CCDC50: variants seen among roughly 807,000 people sequenced by gnomAD.
The protein encoded by CCDC50 is coiled-coil domain containing 50.
In CCDC50, 54 loss-of-function variants were observed where a neutral mutation model predicts 70.2. That is an observed-to-expected ratio of 0.77 (90% CI 0.62 to 0.96). CCDC50 has a LOEUF of 0.96. Ranked by LOEUF, CCDC50 falls within the 50% of genes least tolerant of loss-of-function variation. CCDC50 has a pLI of 0.00. For synonymous variants in CCDC50, 216 were observed against 198.8 expected, an observed-to-expected ratio of 1.09 and a Z score of -0.73; for missense variants, 558 against 578.7, an observed-to-expected ratio of 0.96 and a Z score of 0.37.
chr3:191,375,358 A>G lies in CCDC50; in HGVS notation c.745A>G (p.Thr249Ala), dbSNP rs140411108. 6.2e-7 allele frequency: 1 copy of G among 1,613,770 alleles called. No homozygotes were observed. Among genetic ancestry groups the G allele is most frequent in the Non-Finnish European group, 8.5e-7 (1 of 1,179,832 alleles). Residue 249 changes from threonine (T) to alanine (A), a missense_variant, in exon 6 of 12, where the codon ACT becomes GCT. Physicochemically the swap from Thr to Ala is moderately conservative, Grantham distance 58 (BLOSUM62 0). Transcript: ENST00000392455. ...PTISGEVFLS[T>A]ECDDWETKIN... is the part of the protein sequence containing the mutation. Reference sequence around the variant, plus strand: ...GATCAGTGGTGAAGTGTTTCTGAGCACTGAATGTGATGACTGGGAGACTAA... The same window carrying G: ...GATCAGTGGTGAAGTGTTTCTGAGCGCTGAATGTGATGACTGGGAGACTAA...
intron 1 of CCDC50, among the ~76,000 whole-genome samples, chr3:191,339,856 A>T (rs570871418): frequency 1.3e-5 from 2 of 152,360 alleles, no homozygotes; most frequent in East Asian, 3.9e-4. Context: ...GTTGAACAAA[A>T]GGTTAAAATG....
At chr3:191,376,320 G>T (rs1217703928) in intron 6 of CCDC50, among the ~76,000 whole-genome samples, 1 of 152,148 alleles carries the variant, frequency 6.6e-6, no homozygotes. Context: ...GTGTTCTAAA[G>T]TACCAATACA....
chr3:191,342,477 A>G (rs1281241949), intron 1 of CCDC50, among the ~76,000 whole-genome samples: 1 of 152,204 alleles, frequency 6.6e-6, no homozygotes, highest in Non-Finnish European at 1.5e-5. Flanking sequence ...AACTTGCAGT[A>G]GCTGGTGCTT....
In CCDC50 at chr3:191,391,731, C is replaced by G; in HGVS notation, c.1430-10C>G. ...CTTAATTGTGTTTCCTTTTTTCTTC[C>G]CCTCCCCAGGTTTTCATTACAAACA... is the stretch of plus-strand genomic sequence containing the variant. On this transcript the variant is annotated splice_polypyrimidine_tract_variant and intron_variant, in intron 11 of 11. Transcript: ENST00000392455. 1 of 1,612,436 alleles carries G rather than the reference C, an allele frequency of 6.2e-7. No homozygotes were observed. The highest frequency in any genetic ancestry group is 8.5e-7 in the Non-Finnish European group (1 of 1,179,052).
At chr3:191,357,850 G>C in intron 2 of CCDC50, 148 bp from the exon 3 acceptor site, 1 of 983,358 alleles carries the variant, frequency 1.0e-6, no homozygotes, top group Non-Finnish European at 1.6e-6. Context: ...ATAATTCCTT[G>C]CTCTTTATTA....
intron 3 of CCDC50, 150 bp downstream of exon 3, chr3:191,358,274 T>C: frequency 9.3e-7 from 1 of 1,078,588 alleles, no homozygotes; most frequent in Non-Finnish European, 1.3e-6. Context: ...TAACAGTTTT[T>C]TTGATTTGAA....
In CCDC50 at chr3:191,351,288, G is replaced by T. The variant is rs1301433292; in HGVS notation, c.50-5800G>T. On this transcript the variant is annotated intron_variant, in intron 1 of 11. Transcript: ENST00000392455. ...CTAGTACTGTTAATGACTAAGAAAAGAATTTTTTAAAGGCTGTTTTAGGCC... is the reference window on the plus strand; with the variant it reads ...CTAGTACTGTTAATGACTAAGAAAATAATTTTTTAAAGGCTGTTTTAGGCC... Among the ~76,000 whole-genome samples, 4 of 142,184 alleles carry T rather than the reference G, an allele frequency of 2.8e-5. 1 individual carries two copies. Among genetic ancestry groups the T allele is most frequent in the South Asian group, 2.2e-4 (1 of 4,514 alleles). The allele number at this position is 142,184 out of a possible 152,430, so 93.3% of individuals were successfully genotyped here.
intron 4 of CCDC50, among the ~76,000 whole-genome samples, chr3:191,368,095 T>C (rs1187980731): frequency 1.3e-5 from 2 of 152,038 alleles, no homozygotes; most frequent in African/African-American, 4.8e-5. Context: ...ATTGTACAGA[T>C]AAAGAATTGA....
chr3:191,368,914 A>G (rs1576965133), intron 4 of CCDC50, among the ~76,000 whole-genome samples: 1 of 152,286 alleles, frequency 6.6e-6, no homozygotes, highest in East Asian at 1.9e-4. Context: ...TCAGATTCAG[A>G]ACATTGTCAC....
At chr3:191,369,712 T>C (rs1712829089) in intron 4 of CCDC50, among the ~76,000 whole-genome samples, 3 of 152,130 alleles carry the variant, frequency 2.0e-5, no homozygotes, top group Non-Finnish European at 4.4e-5. Context: ...AAATCTCAAT[T>C]AAAAAAGCCT....
chr3:191,383,356 A>G (rs1713382782), intron 10 of CCDC50, among the ~76,000 whole-genome samples: 1 of 152,016 alleles, frequency 6.6e-6, no homozygotes, highest in Non-Finnish European at 1.5e-5. Flanking sequence ...CATAATAGTT[A>G]TGGAGCAGCT....
At chr3:191,354,643 C>T (rs985049060) in intron 1 of CCDC50, among the ~76,000 whole-genome samples, 15 of 152,070 alleles carry the variant, frequency 9.9e-5, no homozygotes, top group South Asian at 2.1e-4. Context: ...GACCTAGTAC[C>T]TATCATCTCT....
chr3:191,363,477 A>G lies in CCDC50; in HGVS notation c.330+2318A>G, dbSNP rs114762951. 6.3e-3 allele frequency among the ~76,000 whole-genome samples: 953 copies of G among 152,336 alleles called. 13 individuals carry two copies. Among genetic ancestry groups the G allele is most frequent in the African/African-American group, 0.021 (888 of 41,588 alleles). On this transcript the variant is annotated intron_variant, in intron 4 of 11. Coordinates refer to ENST00000392455, the MANE Select transcript of CCDC50 (RefSeq NM_178335.3). Reference sequence around the variant, plus strand: ...CTCAGGTTCCGAAATGGGTTGAGTCATAGTAGTTGTGCATACCCTAAAGGG... The same window carrying G: ...CTCAGGTTCCGAAATGGGTTGAGTCGTAGTAGTTGTGCATACCCTAAAGGG...
At position 191,380,139 on chromosome 3, in the gene CCDC50, G is replaced by GTTT. The variant is rs34031057; in HGVS notation, c.977-7_977-5dup. 8,906 of 1,175,756 alleles carry GTTT rather than the reference G, an allele frequency of 7.6e-3. 5 individuals are homozygous for GTTT. The highest frequency in any genetic ancestry group is 0.029 in the East Asian group (1,147 of 39,394). 72.8% of individuals were successfully genotyped at this position (1,175,756 alleles called of 1,614,324 possible). ...ATCCTCGGTTGTTTTATTACATTGA[G>GTTT]TTTTTTTTTTTTTTTAAAGGAATGA... On this transcript the variant is annotated intron_variant, in intron 6 of 11. Coordinates refer to ENST00000392455, the MANE Select transcript of CCDC50 (RefSeq NM_178335.3).
intron 1 of CCDC50, among the ~76,000 whole-genome samples, chr3:191,343,996 A>G (rs1190170651): frequency 6.6e-6 from 1 of 152,232 alleles, no homozygotes; most frequent in Non-Finnish European, 1.5e-5. Context: ...CAAAACTATC[A>G]CATTAGGCCT....
chr3:191,365,281 A>G (rs1045499045), intron 4 of CCDC50, among the ~76,000 whole-genome samples: 1 of 151,858 alleles, frequency 6.6e-6, no homozygotes, highest in African/African-American at 2.4e-5. Context: ...ACCAATTCAC[A>G]TTGAAAAAAT....
Position 191,395,322 on chromosome 3 carries a change from A to T in CCDC50, c.*3562A>T, listed in dbSNP as rs751716398. On this transcript the variant is annotated 3_prime_UTR_variant, in exon 12 of 12. Transcript: ENST00000392455. ...AATAATTAGCTTTTAACTGATTATT[A>T]ATTTTCTTTAATAGTTTCTGTCAAA... 1 of 152,184 alleles carries T rather than the reference A, an allele frequency of 6.6e-6. No homozygotes were observed. Among genetic ancestry groups the T allele is most frequent in the Non-Finnish European group, 1.5e-5 (1 of 68,012 alleles). The allele number at this position is 152,184 out of a possible 1,614,324, so 9.4% of individuals were successfully genotyped here. A position where few individuals can be genotyped will look rare whatever the true frequency, so the allele number is the denominator to read the frequency against.
Position 191,380,227 on chromosome 3 carries a change from T to A in CCDC50, c.1045T>A (p.Trp349Arg). Residue 349 changes from tryptophan (W) to arginine (R), a missense_variant, in exon 7 of 12, where the codon TGG (tryptophan) becomes AGG (arginine). Trp to Arg is a moderately radical substitution (Grantham distance 101). Transcript: ENST00000392455. Reference protein sequence around the residue: ...PSRMAHRDQEWYDAEIARKLQ... With the variant: ...PSRMAHRDQERYDAEIARKLQ... ...ACGAATGGCCCACAGGGATCAGGAA[T>A]GGTATGATGCTGAAATTGCCAGAAA... 6.2e-7 allele frequency: 1 copy of A among 1,612,606 alleles called. No homozygotes were observed. The highest frequency in any genetic ancestry group is 1.1e-5 in the South Asian group (1 of 91,030).
chr3:191,381,890 A>G lies in CCDC50; in HGVS notation c.1243-856A>G, dbSNP rs185259151. On this transcript the variant is annotated intron_variant, in intron 9 of 11. Coordinates refer to ENST00000392455, the MANE Select transcript of CCDC50 (RefSeq NM_178335.3). ...GTAATGGTTGTGAGGAAAAAGGTGT[A>G]GAAACCCTGCTAATAGTATTGCTGT... 3.2e-3 allele frequency among the ~76,000 whole-genome samples: 482 copies of G among 152,278 alleles called. 4 individuals carry two copies. Among genetic ancestry groups the G allele is most frequent in the African/African-American group, 0.011 (457 of 41,560 alleles).
Sources: gnomAD v4.1 joint callset for allele counts (sites outside exome capture counted in the v4.1 genomes callset) on GRCh38, gnomAD v4.1.1 for gene constraint, MANE v1.5 for transcripts, NCBI Gene and HGNC (gene_info 2026-07-23, HGNC 2026-07-21) for gene names.